TNR: variants seen among roughly 807,000 people sequenced by gnomAD.
TNR encodes the protein tenascin-R.
In TNR, 45 loss-of-function variants were observed where a neutral mutation model predicts 150.4. The ratio of observed to expected loss-of-function variants is 0.30; its 90% confidence interval spans 0.24 to 0.38. The LOEUF is 0.38. Among genes scored for constraint, TNR ranks in the 10% least tolerant of loss-of-function variants. TNR has a pLI of 1.00. For synonymous variants in TNR, 687 were observed against 678.4 expected (o/e 1.01, Z -0.20); for missense variants, 1,544 against 1,759.1 (o/e 0.88, Z 2.19).
chr1:175,645,841 T>C (rs887113422), intron 1 of TNR, among the ~76,000 whole-genome samples: 1 of 152,238 alleles, frequency 6.6e-6, no homozygotes, highest in African/African-American at 2.4e-5. Flanking sequence ...AAGCAGTTGC[T>C]TTAATACTGA....
intron 2 of TNR, among the ~76,000 whole-genome samples, chr1:175,481,458 T>A (rs1171541498): frequency 6.6e-6 from 1 of 152,082 alleles, no homozygotes; most frequent in African/African-American, 2.4e-5. Context: ...AAGACCCTCG[T>A]TGGAGGAATT....
At chr1:175,447,932 C>G (rs867422667) in intron 2 of TNR, among the ~76,000 whole-genome samples, 1 of 152,338 alleles carries the variant, frequency 6.6e-6, no homozygotes, top group South Asian at 2.1e-4. Flanking sequence ...CTTTAGCACA[C>G]TGCCTGGCAT....
intron 18 of TNR, among the ~76,000 whole-genome samples, chr1:175,347,396 T>C (rs1244856159): frequency 6.6e-6 from 1 of 152,126 alleles, no homozygotes; most frequent in African/African-American, 2.4e-5. Flanking sequence ...TTAGAAAAAA[T>C]TAAATAGGCT....
chr1:175,620,889 C>T (rs972766754), intron 1 of TNR, among the ~76,000 whole-genome samples: 2 of 152,068 alleles, frequency 1.3e-5, no homozygotes, highest in South Asian at 2.1e-4. Flanking sequence ...TTTATAAGCT[C>T]GGTTGTTCTG....
intron 1 of TNR, among the ~76,000 whole-genome samples, chr1:175,633,873 AGC>A: frequency 6.6e-6 from 1 of 152,306 alleles, no homozygotes; most frequent in Middle Eastern, 3.4e-3. Context: ...TTCTGGCAAC[AGC>A]AGGGGACAGC....
chr1:175,711,038 A>T (rs1666998641), intron 1 of TNR, among the ~76,000 whole-genome samples: 2 of 152,142 alleles, frequency 1.3e-5, no homozygotes, highest in Admixed American at 1.3e-4. Context: ...AGGACTCATG[A>T]TGTGTGAAAT....
intron 2 of TNR, among the ~76,000 whole-genome samples, chr1:175,513,912 G>A (rs1659297635): frequency 1.3e-5 from 2 of 152,178 alleles, no homozygotes; most frequent in Admixed American, 1.3e-4. Flanking sequence ...GGATGGGTTT[G>A]GAGTATCTGC....
intron 20 of TNR, among the ~76,000 whole-genome samples, chr1:175,334,850 G>A (rs1181456929): frequency 6.6e-6 from 1 of 152,184 alleles, no homozygotes; most frequent in Admixed American, 6.5e-5. Flanking sequence ...TTGCAATAAT[G>A]CTGTCTCAGA....
At chr1:175,380,324 C>A (rs1432273294) in intron 8 of TNR, among the ~76,000 whole-genome samples, 2 of 116,792 alleles carry the variant, frequency 1.7e-5, no homozygotes, top group Non-Finnish European at 3.5e-5. Flanking sequence ...ATGAGCAAGT[C>A]TTTTAACCCT....
intron 1 of TNR, among the ~76,000 whole-genome samples, chr1:175,685,553 C>A (rs1666164394): frequency 6.6e-6 from 1 of 152,138 alleles, no homozygotes; most frequent in Non-Finnish European, 1.5e-5. Flanking sequence ...CCAATATTCT[C>A]TCAAATGGGT....
chr1:175,395,890 TA>T (rs940548081), intron 5 of TNR, among the ~76,000 whole-genome samples: 5 of 152,064 alleles, frequency 3.3e-5, no homozygotes, highest in African/African-American at 1.2e-4. Flanking sequence ...CCTTTATGTA[TA>T]AAAAAAACTG....
chr1:175,733,945 C>CT (rs1667708384), intron 1 of TNR, among the ~76,000 whole-genome samples: 1 of 110 alleles, frequency 9.1e-3, no homozygotes, highest in African/African-American at 0.025. Context: ...CATAGCCAGG[C>CT]CCACCAAGGG....
At chr1:175,709,423 A>T (rs1666938664) in intron 1 of TNR, among the ~76,000 whole-genome samples, 1 of 152,128 alleles carries the variant, frequency 6.6e-6, no homozygotes, top group Non-Finnish European at 1.5e-5. Flanking sequence ...CAAACATAAG[A>T]CCAAAGTTCA....
At chr1:175,586,296 T>C (rs1662566430) in intron 1 of TNR, among the ~76,000 whole-genome samples, 1 of 152,136 alleles carries the variant, frequency 6.6e-6, no homozygotes, top group South Asian at 2.1e-4. Flanking sequence ...TGTCTTTTTA[T>C]TTCTCTTTTC....
chr1:175,439,374 T>C (rs1481170679), intron 2 of TNR, among the ~76,000 whole-genome samples: 1 of 151,894 alleles, frequency 6.6e-6, no homozygotes, highest in African/African-American at 2.4e-5. Context: ...AAAAATTAAT[T>C]CAAGATGGAT....
At chr1:175,456,093 C>A (rs1449557581) in intron 2 of TNR, among the ~76,000 whole-genome samples, 1 of 152,190 alleles carries the variant, frequency 6.6e-6, no homozygotes, top group African/African-American at 2.4e-5. Flanking sequence ...ACTAGCTCAC[C>A]CGTGCTCACC....
At chr1:175,654,719 CTTTTTTTTTTT>C (rs36087120) in intron 1 of TNR, among the ~76,000 whole-genome samples, 2 of 74,744 alleles carry the variant, frequency 2.7e-5, no homozygotes, top group East Asian at 3.8e-4. Context: ...AAGTTCCCTT[CTTTTTTTTTTT>C]TTTTTTTTTT....
intron 1 of TNR, among the ~76,000 whole-genome samples, chr1:175,713,245 T>G (rs1667066458): frequency 6.6e-6 from 1 of 152,232 alleles, no homozygotes; most frequent in South Asian, 2.1e-4. Flanking sequence ...TGTAATTCTT[T>G]AAGTCCTGTG....
intron 16 of TNR, 147 bp from the exon 17 acceptor site, chr1:175,355,780 A>G: frequency 1.8e-6 from 2 of 1,102,426 alleles, no homozygotes; most frequent in Middle Eastern, 3.1e-4. Context: ...AGGAGCATAA[A>G]GGGTGCTCCT....
Sources: allele counts gnomAD v4.1 joint callset (sites outside exome capture counted in the v4.1 genomes callset), GRCh38; gene constraint gnomAD v4.1.1; transcripts MANE v1.5; gene names NCBI Gene and HGNC (gene_info 2026-07-23, HGNC 2026-07-21).